AGBL4: variants seen among roughly 807,000 people sequenced by gnomAD.
AGBL4 encodes AGBL carboxypeptidase 4.
Under a neutral mutation model 66.4 loss-of-function variants are expected in AGBL4, and 58 were observed. That is an observed-to-expected ratio of 0.87 (90% CI 0.71 to 1.09). The LOEUF (loss-of-function observed/expected upper bound fraction) is 1.09, where lower values mean the gene tolerates loss of function less well. Ranked by LOEUF, AGBL4 falls within the 50% of genes least tolerant of loss-of-function variation. AGBL4 has a pLI of 0.00. For synonymous variants in AGBL4, 234 were observed against 222.9 expected (o/e 1.05, Z -0.44); for missense variants, 579 against 631.0 (o/e 0.92, Z 0.88).
chr1:49,250,432 A>G (rs977389824), intron 3 of AGBL4, among the ~76,000 whole-genome samples: 8 of 148,154 alleles, frequency 5.4e-5, no homozygotes, highest in African/African-American at 2.0e-4. Flanking sequence ...AACTACACAC[A>G]GGAACTAATT....
At chr1:48,531,205 T>TC (rs1557765078), downstream of AGBL4, among the ~76,000 whole-genome samples, 28 of 136,806 alleles carry the variant, frequency 2.0e-4, no homozygotes, top group South Asian at 2.1e-3. Flanking sequence ...CAGCTTTTTT[T>TC]TTTCTCTCTC....
At chr1:48,789,277 G>GAT (rs370928082) in intron 6 of AGBL4, among the ~76,000 whole-genome samples, 11 of 125,784 alleles carry the variant, frequency 8.7e-5, no homozygotes, top group Middle Eastern at 4.2e-3. Context: ...TTGCTGCGTG[G>GAT]ATATATATAT....
chr1:49,930,175 A>G (rs969872863), intron 1 of AGBL4, among the ~76,000 whole-genome samples: 17 of 152,138 alleles, frequency 1.1e-4, no homozygotes, highest in Non-Finnish European at 2.1e-4. Context: ...ATAAGGAAAC[A>G]TTATGAACAA....
intron 3 of AGBL4, among the ~76,000 whole-genome samples, chr1:49,410,156 C>T (rs1268274821): frequency 6.6e-6 from 1 of 152,140 alleles, no homozygotes; most frequent in African/African-American, 2.4e-5. Context: ...GGGCCACAGG[C>T]ACAGATGCAC....
At chr1:49,692,381 G>A (rs993827177) in intron 3 of AGBL4, among the ~76,000 whole-genome samples, 1 of 152,084 alleles carries the variant, frequency 6.6e-6, no homozygotes, top group Non-Finnish European at 1.5e-5. Context: ...ACCATGGCCA[G>A]GATGAAATTT....
At chr1:48,962,910 T>A in intron 5 of AGBL4, among the ~76,000 whole-genome samples, 1 of 151,840 alleles carries the variant, frequency 6.6e-6, no homozygotes, top group East Asian at 1.9e-4. Context: ...AATAACAATA[T>A]GTACCTTATG....
Position 48,742,165 on chromosome 1 carries a change from A to C in AGBL4, c.635-78924T>G, listed in dbSNP as rs75559566. 1.6e-4 allele frequency among the ~76,000 whole-genome samples: 24 copies of C among 152,322 alleles called. No homozygotes were observed. In the East Asian group the frequency reaches 4.4e-3, roughly 28 times the overall value. Reference sequence around the variant, plus strand: ...GTTCTTCCCTGTATTCCTGTTATCTAGCACAGGGCTTAGAACATACAGATA... The same window carrying C: ...GTTCTTCCCTGTATTCCTGTTATCTCGCACAGGGCTTAGAACATACAGATA... On this transcript the variant is annotated intron_variant, in intron 6 of 13. Transcript: ENST00000371839.
chr1:49,287,638 G>A (rs1033652264), intron 3 of AGBL4, among the ~76,000 whole-genome samples: 1 of 152,198 alleles, frequency 6.6e-6, no homozygotes, highest in Admixed American at 6.5e-5. Context: ...GGCCATCAGA[G>A]AAATGCAAAG....
intron 1 of AGBL4, among the ~76,000 whole-genome samples, chr1:50,017,848 A>G (rs1662109594): frequency 6.6e-6 from 1 of 152,222 alleles, no homozygotes; most frequent in African/African-American, 2.4e-5. Context: ...CAATTTATCC[A>G]TATAACAAAC....
At chr1:48,990,219 A>C (rs944904275) in intron 5 of AGBL4, among the ~76,000 whole-genome samples, 2 of 151,964 alleles carry the variant, frequency 1.3e-5, no homozygotes, top group African/African-American at 4.8e-5. Flanking sequence ...GCTTATTTTT[A>C]AATTGGATTA....
Position 49,245,884 on chromosome 1 carries a change from A to G in AGBL4, c.283-20T>C. ...GACCCTCTGAAAAAGAAAGAGGGAG[A>G]AGTTCATCTTTATGCTATGCAAATT... On this transcript the variant is annotated intron_variant, in intron 3 of 13. Coordinates refer to ENST00000371839, the MANE Select transcript of AGBL4 (RefSeq NM_032785.4). 1 of 1,494,688 alleles carries G rather than the reference A, an allele frequency of 6.7e-7. No homozygotes were observed. Among genetic ancestry groups the G allele is most frequent in the Non-Finnish European group, 9.1e-7 (1 of 1,096,192 alleles). The allele number at this position is 1,494,688 out of a possible 1,614,324, so 92.6% of individuals were successfully genotyped here.
At chr1:48,992,749 C>G (rs528023563) in intron 5 of AGBL4, among the ~76,000 whole-genome samples, 1 of 152,104 alleles carries the variant, frequency 6.6e-6, no homozygotes, top group Non-Finnish European at 1.5e-5. Context: ...AGGCCTCTCT[C>G]CCTGTGGCTA....
chr1:49,646,127 C>T (rs1645882730), intron 3 of AGBL4, among the ~76,000 whole-genome samples: 1 of 151,808 alleles, frequency 6.6e-6, no homozygotes, highest in African/African-American at 2.4e-5. Flanking sequence ...TCAAGGATAT[C>T]TGATGTTATT....
At chr1:48,612,277 G>A (rs777652137) in intron 9 of AGBL4, among the ~76,000 whole-genome samples, 29 of 152,232 alleles carry the variant, frequency 1.9e-4, no homozygotes, top group Non-Finnish European at 3.8e-4. Context: ...CAATTCTTAC[G>A]TCAGAGGAGT....
intron 2 of AGBL4, among the ~76,000 whole-genome samples, chr1:49,832,821 T>C (rs1027993873): frequency 2.6e-5 from 4 of 152,222 alleles, no homozygotes; most frequent in African/African-American, 7.2e-5. Flanking sequence ...GTTCATGTCC[T>C]TTGCCCACTT....
chr1:49,133,360 C>G (rs1293709018), intron 4 of AGBL4, among the ~76,000 whole-genome samples: 1 of 152,036 alleles, frequency 6.6e-6, no homozygotes, highest in African/African-American at 2.4e-5. Flanking sequence ...ATGTAACAAA[C>G]CTGCACATTC....
intron 11 of AGBL4, among the ~76,000 whole-genome samples, chr1:48,544,742 A>G (rs1262420585): frequency 1.3e-5 from 2 of 152,160 alleles, no homozygotes; most frequent in Admixed American, 6.5e-5. Flanking sequence ...CTGAGACTAC[A>G]GAAAAAGAGA....
chr1:49,811,082 C>G (rs1645091766), intron 2 of AGBL4, among the ~76,000 whole-genome samples: 2 of 152,154 alleles, frequency 1.3e-5, no homozygotes. Context: ...ACCTAGATAT[C>G]TATCCGAAAC....
intron 3 of AGBL4, among the ~76,000 whole-genome samples, chr1:49,273,781 T>C (rs943440406): frequency 6.6e-6 from 1 of 152,132 alleles, no homozygotes; most frequent in East Asian, 1.9e-4. Context: ...GTTCACGCCA[T>C]TCTCCTGCCT....
Sources: allele counts gnomAD v4.1 joint callset (sites outside exome capture counted in the v4.1 genomes callset), GRCh38; gene constraint gnomAD v4.1.1; transcripts MANE v1.5; gene names NCBI Gene and HGNC (gene_info 2026-07-23, HGNC 2026-07-21).